Variants in ADGRL3 observed in about 807,000 individuals in gnomAD.
ADGRL3 encodes adhesion G protein-coupled receptor L3, also known as calcium-independent alpha-latrotoxin receptor 3.
A neutral mutation model predicts 153.5 loss-of-function variants in ADGRL3; 62 were observed. The ratio of observed to expected loss-of-function variants is 0.40; its 90% CI spans 0.33 to 0.50. ADGRL3 has a LOEUF of 0.50. Among genes scored for constraint, ADGRL3 ranks in the 20% least tolerant of loss-of-function variants. ADGRL3 has a pLI of 0.47. For missense variants in ADGRL3, 1,641 were observed against 1,859.4 expected, an observed-to-expected ratio of 0.88 and a Z score of 2.16; for synonymous variants, 710 against 672.5, an observed-to-expected ratio of 1.06 and a Z score of -0.86.
chr4:61,497,134 G>A lies in ADGRL3; in HGVS notation c.-160G>A, dbSNP rs2098329001. 1.8e-6 allele frequency: 1 copy of A among 569,874 alleles called. No individual in the cohort carries two copies. Among genetic ancestry groups the A allele is most frequent in the African/African-American group, 2.0e-5 (1 of 50,368 alleles). The allele number at this position is 569,874 out of a possible 1,614,324, so 35.3% of individuals were successfully genotyped here. A position where few individuals can be genotyped will look rare whatever the true frequency, so the allele number is the denominator to read the frequency against. ...TCTTTTTTGCAGGTTTCAGATTTGG[G>A]ATATTGGTGTTTCTGTTTTGGAGAA... On this transcript the variant is annotated 5_prime_UTR_variant, in exon 3 of 27. Transcript: ENST00000683033.
intron 6 of ADGRL3, among the ~76,000 whole-genome samples, chr4:61,728,397 G>A (rs1357766705): frequency 6.6e-6 from 1 of 151,956 alleles, no homozygotes; most frequent in Admixed American, 6.6e-5. Flanking sequence ...AGTTAATAGA[G>A]GTTAAAGCTC....
chr4:62,039,195 G>C (rs1726816957), intron 24 of ADGRL3, among the ~76,000 whole-genome samples: 1 of 151,852 alleles, frequency 6.6e-6, no homozygotes, highest in African/African-American at 2.4e-5. Context: ...TATATGCTTA[G>C]AAAATTTAAT....
chr4:61,411,976 A>G (rs182827154), intron 2 of ADGRL3, among the ~76,000 whole-genome samples: 68 of 152,348 alleles, frequency 4.5e-4, no homozygotes, highest in African/African-American at 1.5e-3. Flanking sequence ...ACCCTCATAT[A>G]TTCATGTTAA....
At chr4:61,529,096 A>T (rs1352706040) in intron 4 of ADGRL3, among the ~76,000 whole-genome samples, 1 of 152,170 alleles carries the variant, frequency 6.6e-6, no homozygotes. Context: ...CTTTATGAAT[A>T]TTCAAAATTT....
chr4:61,363,558 T>G lies in ADGRL3; in HGVS notation c.-239-19566T>G, dbSNP rs189483425. The stretch of plus-strand genomic sequence containing the variant: ...GCTTTGCAGCTGTGCCATTTAGAAA[T>G]TCTCTCATGTTAAGAAAATGTTAAC... On this transcript the variant is annotated intron_variant, in intron 1 of 26. Coordinates refer to ENST00000683033, the MANE Select transcript of ADGRL3 (RefSeq NM_001387552.1). 3.6e-3 allele frequency among the ~76,000 whole-genome samples: 553 copies of G among 152,294 alleles called. 2 individuals carry two copies. Among genetic ancestry groups the G allele is most frequent in the Middle Eastern group, 0.014 (4 of 294 alleles).
At chr4:61,695,951 G>A (rs771182331) in intron 6 of ADGRL3, among the ~76,000 whole-genome samples, 27 of 152,080 alleles carry the variant, frequency 1.8e-4, no homozygotes, top group Non-Finnish European at 3.8e-4. Context: ...TTCCTCTGCA[G>A]CTTCCTCACC....
intron 9 of ADGRL3, among the ~76,000 whole-genome samples, chr4:61,825,992 A>C: frequency 6.6e-6 from 1 of 152,136 alleles, no homozygotes; most frequent in East Asian, 1.9e-4. Flanking sequence ...TCTTTTCTCA[A>C]ACTCTTTTTA....
intron 1 of ADGRL3, among the ~76,000 whole-genome samples, chr4:61,283,889 T>C (rs900254346): frequency 2.0e-5 from 3 of 152,014 alleles, no homozygotes; most frequent in South Asian, 4.1e-4. Context: ...CCAAAGTCCC[T>C]ATCTCTCTTT....
intron 8 of ADGRL3, among the ~76,000 whole-genome samples, chr4:61,801,015 C>T (rs2097489297): frequency 6.6e-6 from 1 of 152,104 alleles, no homozygotes; most frequent in African/African-American, 2.4e-5. Flanking sequence ...TTGAAAAGAT[C>T]ATTAATAAGG....
At chr4:62,051,645 T>C (rs1358800997) in intron 25 of ADGRL3, among the ~76,000 whole-genome samples, 1 of 151,794 alleles carries the variant, frequency 6.6e-6, no homozygotes, top group African/African-American at 2.4e-5. Context: ...GTATTTATTA[T>C]TATTGTTAAC....
Position 61,892,689 on chromosome 4 carries a change from G to A in ADGRL3, c.1514G>A (p.Ser505Asn), listed in dbSNP as rs768031330. The change falls in exon 10 of 27, where the codon AGC becomes AAC. Residue 505 changes from serine (S) to asparagine (N), a missense_variant. By Grantham distance (46) the Ser-to-Asn change is conservative. Around this residue, in one of 5 missense-constraint regions of ADGRL3, gnomAD observed 734 missense variants for 797.0 expected, o/e 0.92. Transcript: ENST00000683033. ...ISTTGPLGMG[S>N]TTTSTTLRTT... is the part of the protein sequence containing the mutation. ...ACCACAGGACCTCTTGGCATGGGAA[G>A]CACTACCACCAGTACCACCCTTCGG... The A allele has an allele frequency of 4.3e-6, 7 of 1,613,842 alleles. No individual in the cohort carries two copies. In the East Asian group the frequency reaches 1.3e-4, roughly 31 times the overall value.
chr4:61,201,232 A>AT lies in ADGRL3; in HGVS notation c.-768dup, dbSNP rs1418606994. On this transcript the variant is annotated 5_prime_UTR_variant, in exon 1 of 27. It removes the in-frame stop codon of an upstream open reading frame in the 5' UTR. Transcript: ENST00000683033. ...AGATCGGCTGGGGGGATGGTGGAAG[A>AT]TTTTTGGTCTCTTCGGCAGCGTCTT... The AT allele has an allele frequency of 6.6e-6, 1 of 152,634 alleles. No homozygotes were observed. The highest frequency in any genetic ancestry group is 2.4e-5 in the African/African-American group (1 of 41,224). The allele number at this position is 152,634 out of a possible 1,614,324, so 9.5% of individuals were successfully genotyped here. A position where few individuals can be genotyped will look rare whatever the true frequency, so the allele number is the denominator to read the frequency against.
At chr4:61,207,729 A>G (rs1366936419) in intron 1 of ADGRL3, among the ~76,000 whole-genome samples, 1 of 152,124 alleles carries the variant, frequency 6.6e-6, no homozygotes, top group African/African-American at 2.4e-5. Flanking sequence ...TGACTTTTTA[A>G]TGATCACCAT....
intron 1 of ADGRL3, among the ~76,000 whole-genome samples, chr4:61,358,462 T>G (rs2096222698): frequency 6.6e-6 from 1 of 151,904 alleles, no homozygotes; most frequent in South Asian, 2.1e-4. Context: ...CCGGGCGTGG[T>G]GGCGGGCGCC....
At chr4:61,847,187 T>A (rs903325508) in intron 9 of ADGRL3, among the ~76,000 whole-genome samples, 1 of 152,006 alleles carries the variant, frequency 6.6e-6, no homozygotes, top group African/African-American at 2.4e-5. Flanking sequence ...TTCATATTAA[T>A]AGCACTACAG....
At chr4:61,782,097 G>A (rs909738858) in intron 8 of ADGRL3, among the ~76,000 whole-genome samples, 3 of 152,156 alleles carry the variant, frequency 2.0e-5, no homozygotes, top group Non-Finnish European at 2.9e-5. Context: ...TACTTGAAAT[G>A]GGATGAGGAG....
chr4:61,287,867 A>C (rs1002341384), intron 1 of ADGRL3, among the ~76,000 whole-genome samples: 1 of 151,984 alleles, frequency 6.6e-6, no homozygotes, highest in African/African-American at 2.4e-5. Flanking sequence ...TAACAAATTC[A>C]GGGGCAGAAA....
rs1188491211 is a variant in ADGRL3 at position 61,460,751 on chromosome 4, AG to A, written c.-173-36369del. Among the ~76,000 whole-genome samples the A allele has an allele frequency of 1.6e-4, 25 of 152,286 alleles. No individual in the cohort carries two copies. In the East Asian group the frequency reaches 4.8e-3, roughly 29 times the overall value. ...ATGGCAGCAGGCAAGAGAGAAGCCA[AG>A]CAAAAGGGGAAACCCTTTATAAAAC... On this transcript the variant is annotated intron_variant, in intron 2 of 26. Transcript: ENST00000683033.
chr4:61,766,995 G>A (rs1408794950), intron 8 of ADGRL3, among the ~76,000 whole-genome samples: 3 of 151,846 alleles, frequency 2.0e-5, no homozygotes, highest in Non-Finnish European at 2.9e-5. Flanking sequence ...TGTAGCAGGC[G>A]AGTGATAACA....
Sources: allele counts gnomAD v4.1 joint callset (sites outside exome capture counted in the v4.1 genomes callset), GRCh38; gene constraint gnomAD v4.1.1; regional missense constraint gnomAD v4.1.1; transcripts MANE v1.5; gene names NCBI Gene and HGNC (gene_info 2026-07-23, HGNC 2026-07-21).